Variants in MCPH1 observed in about 807,000 individuals in gnomAD.
MCPH1 encodes the protein microcephalin 1.
MCPH1 carries 104 observed loss-of-function variants against 84.5 expected under a neutral mutation model. The observed-to-expected ratio is 1.23, with a 90% confidence interval of 1.05 to 1.45. The LOEUF is 1.45. Among genes scored for constraint, MCPH1 ranks in the 40% most tolerant of loss-of-function variants. The probability of loss-of-function intolerance (pLI) is 0.00; values close to 1 mark genes in which losing one functional copy is unlikely to be tolerated. For synonymous variants in MCPH1, 514 were observed against 366.8 expected (o/e 1.40, Z -4.58); for missense variants, 1,498 against 1,005.7 (o/e 1.49, Z -6.62).
chr8:6,489,578 T>A (rs1370040450), intron 11 of MCPH1, among the ~76,000 whole-genome samples: 1 of 152,202 alleles, frequency 6.6e-6, no homozygotes, highest in African/African-American at 2.4e-5. Context: ...GTGGAAGCAC[T>A]AGGGTTATGT....
At chr8:6,506,286 A>G (rs1157693966) in intron 12 of MCPH1, among the ~76,000 whole-genome samples, 1 of 152,106 alleles carries the variant, frequency 6.6e-6, no homozygotes, top group Non-Finnish European at 1.5e-5. Flanking sequence ...GCTGCTCATT[A>G]GGCTGGTTCA....
chr8:6,523,647 T>A (rs888165511), intron 12 of MCPH1, among the ~76,000 whole-genome samples: 28 of 152,160 alleles, frequency 1.8e-4, no homozygotes, highest in Non-Finnish European at 4.4e-5. Context: ...TGTTGTGCAG[T>A]GGCGCGATCT....
intron 8 of MCPH1, among the ~76,000 whole-genome samples, chr8:6,451,700 G>C (rs544948714): frequency 6.6e-6 from 1 of 152,054 alleles, no homozygotes; most frequent in African/African-American, 2.4e-5. Context: ...CTCTGGAAAG[G>C]AATTTTTCCT....
At chr8:6,466,769 T>C (rs1585935426) in intron 9 of MCPH1, among the ~76,000 whole-genome samples, 1 of 151,868 alleles carries the variant, frequency 6.6e-6, no homozygotes, top group South Asian at 2.1e-4. Context: ...ACAGACGGGG[T>C]TTCACCATGT....
chr8:6,516,034 A>G (rs987974549), intron 12 of MCPH1, among the ~76,000 whole-genome samples: 1 of 152,178 alleles, frequency 6.6e-6, no homozygotes, highest in Admixed American at 6.5e-5. Context: ...TCTCCCCAGC[A>G]TGGTTCTGGT....
intron 9 of MCPH1, among the ~76,000 whole-genome samples, chr8:6,476,467 A>G (rs1808476008): frequency 6.6e-6 from 1 of 152,030 alleles, no homozygotes; most frequent in South Asian, 2.1e-4. Flanking sequence ...AAATTCAGTC[A>G]TAGACCAAAC....
At chr8:6,614,518 G>C (rs1348308319) in intron 12 of MCPH1, among the ~76,000 whole-genome samples, 1 of 152,228 alleles carries the variant, frequency 6.6e-6, no homozygotes, top group African/African-American at 2.4e-5. Context: ...CCTTTGTCCA[G>C]TGCCCATGTG....
At chr8:6,630,164 G>A (rs1197254631) in intron 13 of MCPH1, among the ~76,000 whole-genome samples, 1 of 152,158 alleles carries the variant, frequency 6.6e-6, no homozygotes, top group Non-Finnish European at 1.5e-5. Flanking sequence ...TAGCAAAATG[G>A]CAGCAAGGCA....
intron 12 of MCPH1, among the ~76,000 whole-genome samples, chr8:6,581,376 C>A (rs747310227): frequency 1.3e-5 from 2 of 152,192 alleles, no homozygotes; most frequent in Non-Finnish European, 2.9e-5. Flanking sequence ...TTTCCATCCA[C>A]AAATCCAATG....
intron 12 of MCPH1, among the ~76,000 whole-genome samples, chr8:6,595,980 A>G (rs541448844): frequency 3.3e-5 from 5 of 152,344 alleles, no homozygotes; most frequent in African/African-American, 1.2e-4. Flanking sequence ...TAAGAAATGA[A>G]TAATATGGGT....
intron 13 of MCPH1, among the ~76,000 whole-genome samples, chr8:6,641,445 G>C (rs566711991): frequency 6.6e-6 from 1 of 152,294 alleles, no homozygotes; most frequent in Non-Finnish European, 1.5e-5. Flanking sequence ...GCAAAAGTTT[G>C]CATAAGAAAA....
At chr8:6,641,448 T>G (rs1019092001) in intron 13 of MCPH1, among the ~76,000 whole-genome samples, 5 of 152,144 alleles carry the variant, frequency 3.3e-5, no homozygotes, top group African/African-American at 1.2e-4. Flanking sequence ...AAAGTTTGCA[T>G]AAGAAAAGTC....
intron 12 of MCPH1, among the ~76,000 whole-genome samples, chr8:6,549,979 G>T (rs1219436159): frequency 6.6e-6 from 1 of 152,272 alleles, no homozygotes; most frequent in Non-Finnish European, 1.5e-5. Flanking sequence ...TCCATGAAAA[G>T]GTTGGGGTTG....
chr8:6,511,535 G>A (rs1251529990), intron 12 of MCPH1, among the ~76,000 whole-genome samples: 1 of 151,948 alleles, frequency 6.6e-6, no homozygotes, highest in African/African-American at 2.4e-5. Flanking sequence ...CCAACACTTG[G>A]GGAACATTTC....
intron 11 of MCPH1, among the ~76,000 whole-genome samples, chr8:6,484,148 A>C (rs1468086596): frequency 2.6e-5 from 4 of 152,230 alleles, no homozygotes; most frequent in Non-Finnish European, 5.9e-5. Context: ...AACGTTTGCA[A>C]ATCTTATATC....
chr8:6,454,183 T>C (rs893422065), intron 8 of MCPH1, among the ~76,000 whole-genome samples: 1 of 152,214 alleles, frequency 6.6e-6, no homozygotes, highest in African/African-American at 2.4e-5. Flanking sequence ...ATTATATTTA[T>C]TCATCTGCAT....
At chr8:6,439,221 A>G in intron 6 of MCPH1, 125 bp downstream of exon 6, 2 of 989,154 alleles carry the variant, frequency 2.0e-6, no homozygotes, top group Non-Finnish European at 3.0e-6. Context: ...GACTTATTTC[A>G]TGGCTGGCTT....
chr8:6,476,334 C>T (rs948767691), intron 9 of MCPH1, among the ~76,000 whole-genome samples: 3 of 149,296 alleles, frequency 2.0e-5, no homozygotes, highest in African/African-American at 4.9e-5. Flanking sequence ...GAGGCTGAGG[C>T]ATGAGAATTG....
chr8:6,579,129 T>A (rs545933006), intron 12 of MCPH1, among the ~76,000 whole-genome samples: 212 of 152,266 alleles, frequency 1.4e-3, no homozygotes, highest in African/African-American at 4.9e-3. Context: ...TTCATTCACT[T>A]AAAACTCACC....
Sources: allele counts gnomAD v4.1 joint callset (sites outside exome capture counted in the v4.1 genomes callset), GRCh38; gene constraint gnomAD v4.1.1; transcripts MANE v1.5; gene names NCBI Gene and HGNC (gene_info 2026-07-23, HGNC 2026-07-21).